The following AKAP13 variants were observed in gnomAD, a reference collection of about 807,000 sequenced individuals.
AKAP13 encodes A-kinase anchoring protein 13, also known as A-kinase anchor protein 13.
AKAP13 carries 80 observed loss-of-function variants against 264.5 expected under a neutral mutation model. The observed-to-expected ratio is 0.30, with a 90% CI of 0.25 to 0.36. The LOEUF (loss-of-function observed/expected upper bound fraction) is 0.36, where lower values mean the gene tolerates loss of function less well. AKAP13 is among the 10% of genes least tolerant of loss of function. The pLI, the probability that AKAP13 is intolerant of heterozygous loss-of-function variation, is 1.00. For missense variants in AKAP13, 3,712 were observed against 3,435.2 expected, an observed-to-expected ratio of 1.08 and a Z score of -2.01; for synonymous variants, 1,380 against 1,250.2, an observed-to-expected ratio of 1.10 and a Z score of -2.19.
rs139719535 is a variant in AKAP13, at chr15:85,694,941, A to G, written c.5464+1490A>G. On this transcript the variant is annotated intron_variant, in intron 17 of 36. Coordinates refer to ENST00000394518, the MANE Select transcript of AKAP13 (RefSeq NM_007200.5). ...AGTAATTTCTTACTAAAAATAGTTA[A>G]CTTACTGAAATCTGATTTTTTTTCT... Among the ~76,000 whole-genome samples, 902 of 152,132 alleles carry G rather than the reference A, an allele frequency of 5.9e-3. 7 individuals carry two copies. Among genetic ancestry groups the G allele is most frequent in the Non-Finnish European group, 7.9e-3 (538 of 67,974 alleles).
At chr15:85,473,661 A>G (rs1021138558) in intron 1 of AKAP13, among the ~76,000 whole-genome samples, 1 of 152,220 alleles carries the variant, frequency 6.6e-6, no homozygotes, top group Non-Finnish European at 1.5e-5. Flanking sequence ...CTCAGAATCA[A>G]CTAAACATCC....
chr15:85,674,106 T>C (rs1485708360), intron 14 of AKAP13, among the ~76,000 whole-genome samples: 3 of 152,076 alleles, frequency 2.0e-5, no homozygotes, highest in Non-Finnish European at 4.4e-5. Context: ...TTAGTGGTGA[T>C]AATGTTGAAA....
chr15:85,591,572 G>T (rs1446663280), intron 8 of AKAP13, among the ~76,000 whole-genome samples: 1 of 152,048 alleles, frequency 6.6e-6, no homozygotes, highest in Non-Finnish European at 1.5e-5. Flanking sequence ...ATTTCCTAAA[G>T]AATGATATGA....
chr15:85,538,101 T>C (rs1005064927), intron 4 of AKAP13, among the ~76,000 whole-genome samples: 3 of 152,010 alleles, frequency 2.0e-5, no homozygotes, highest in African/African-American at 7.3e-5. Flanking sequence ...CGGTGGTTAG[T>C]GAAAATGGTA....
chr15:85,441,992 A>G (rs747335477), intron 1 of AKAP13, among the ~76,000 whole-genome samples: 90 of 152,148 alleles, frequency 5.9e-4, no homozygotes, highest in Non-Finnish European at 1.2e-3. Context: ...GTTCTGGTCA[A>G]TTTGGCTTTA....
chr15:85,639,195 G>A (rs1020623056), intron 8 of AKAP13, among the ~76,000 whole-genome samples, 179 bp from the exon 9 acceptor site: 1 of 151,844 alleles, frequency 6.6e-6, no homozygotes, highest in Non-Finnish European at 1.5e-5. Context: ...AAAGATCCTT[G>A]AGTATAGATT....
intron 10 of AKAP13, among the ~76,000 whole-genome samples, chr15:85,654,788 C>T (rs1388297154): frequency 6.6e-6 from 1 of 151,900 alleles, no homozygotes. Context: ...TTCACCACTG[C>T]ACCCCAGCCT....
chr15:85,481,312 C>T (rs1488605646), intron 1 of AKAP13, among the ~76,000 whole-genome samples: 1 of 152,158 alleles, frequency 6.6e-6, no homozygotes, highest in Non-Finnish European at 1.5e-5. Context: ...CCACACTGCA[C>T]TTTATGAAGA....
intron 4 of AKAP13, among the ~76,000 whole-genome samples, chr15:85,537,898 G>C (rs2077453356): frequency 6.6e-6 from 1 of 152,186 alleles, no homozygotes; most frequent in Non-Finnish European, 1.5e-5. Context: ...ATGAACAGGA[G>C]GGAGTTTGTC....
intron 8 of AKAP13, chr15:85,621,537 A>G (rs1421917934): frequency 2.6e-5 from 4 of 152,192 alleles, no homozygotes; most frequent in African/African-American, 7.2e-5. Context: ...GGAGAAGGAT[A>G]AAAAGAAAAT....
intron 33 of AKAP13, among the ~76,000 whole-genome samples, chr15:85,737,319 C>T (rs1413462038): frequency 6.6e-6 from 1 of 152,128 alleles, no homozygotes; most frequent in Non-Finnish European, 1.5e-5. Context: ...CCATCCCACC[C>T]CCAGGACTCC....
chr15:85,481,650 T>C (rs1233831737), intron 1 of AKAP13, among the ~76,000 whole-genome samples: 1 of 152,244 alleles, frequency 6.6e-6, no homozygotes, highest in Admixed American at 6.5e-5. Context: ...CTTTCAACTG[T>C]AGCTGGCTTT....
chr15:85,412,962 G>A (rs931336892), intron 1 of AKAP13, among the ~76,000 whole-genome samples: 1 of 152,144 alleles, frequency 6.6e-6, no homozygotes, highest in East Asian at 1.9e-4. Flanking sequence ...AGGCACTGGC[G>A]GGTCAAGTAA....
chr15:85,688,010 A>G (rs1278657296), intron 16 of AKAP13, among the ~76,000 whole-genome samples: 1 of 144,052 alleles, frequency 6.9e-6, no homozygotes, highest in African/African-American at 2.6e-5. Context: ...AGCCTGGGCA[A>G]TGGAGCAAGA....
intron 8 of AKAP13, among the ~76,000 whole-genome samples, chr15:85,595,816 T>C (rs1438264555): frequency 6.6e-6 from 1 of 152,074 alleles, no homozygotes; most frequent in East Asian, 1.9e-4. Context: ...CTGGCAGTAA[T>C]CCAGGTTAAA....
Position 85,443,772 on chromosome 15 carries a change from A to T in AKAP13, c.-11-41938A>T, listed in dbSNP as rs1428703002. Reference sequence around the variant, plus strand: ...CACTGGTTTCATGTAAAAAAAAAAAAGTGTGTGTGTGTGTGTGTGTGTGTA... The same window carrying T: ...CACTGGTTTCATGTAAAAAAAAAAATGTGTGTGTGTGTGTGTGTGTGTGTA... On this transcript the variant is annotated intron_variant, in intron 1 of 36. Transcript: ENST00000394518. Among the ~76,000 whole-genome samples the T allele has an allele frequency of 3.9e-3, 573 of 146,032 alleles. 5 individuals carry two copies. The highest frequency in any genetic ancestry group is 5.9e-3 in the Non-Finnish European group (390 of 66,232).
intron 17 of AKAP13, among the ~76,000 whole-genome samples, chr15:85,699,894 G>A (rs1238654803): frequency 2.0e-5 from 3 of 152,182 alleles, no homozygotes; most frequent in Admixed American, 1.3e-4. Flanking sequence ...GAGATTTAAG[G>A]TTGAAAGTTA....
intron 2 of AKAP13, among the ~76,000 whole-genome samples, chr15:85,498,197 G>GATATATATATATATATATAT (rs1491342478): frequency 0.013 from 389 of 29,850 alleles, 15 homozygotes; most frequent in Middle Eastern, 0.045. Flanking sequence ...TAAATGAAGT[G>GATATATATATATATATATAT]AGATATATAT....
intron 5 of AKAP13, among the ~76,000 whole-genome samples, chr15:85,566,358 C>A (rs1435174589): frequency 6.6e-6 from 1 of 152,116 alleles, no homozygotes; most frequent in Non-Finnish European, 1.5e-5. Flanking sequence ...GGTAAAACTC[C>A]TCATACATTC....
Sources: gnomAD v4.1 joint callset for allele counts (sites outside exome capture counted in the v4.1 genomes callset) on GRCh38, gnomAD v4.1.1 for gene constraint, MANE v1.5 for transcripts, NCBI Gene and HGNC (gene_info 2026-07-23, HGNC 2026-07-21) for gene names.